MKLN1: variants seen among roughly 807,000 people sequenced by gnomAD.
The protein encoded by MKLN1 is muskelin.
In MKLN1, 18 loss-of-function variants were observed where a neutral mutation model predicts 99.0. The observed-to-expected ratio is 0.18, with a 90% CI of 0.13 to 0.27. The LOEUF (loss-of-function observed/expected upper bound fraction) is 0.27, where lower values mean the gene tolerates loss of function less well. Among genes scored for constraint, MKLN1 ranks in the 10% least tolerant of loss-of-function variants. The pLI, the probability that MKLN1 is intolerant of heterozygous loss-of-function variation, is 1.00. For synonymous variants in MKLN1, 288 were observed against 293.2 expected, an observed-to-expected ratio of 0.98 and a Z score of 0.18; for missense variants, 621 against 875.9, an observed-to-expected ratio of 0.71 and a Z score of 3.67.
chr7:131,266,173 CAAA>C (rs35332093), intron 3 of MKLN1, among the ~76,000 whole-genome samples: 207 of 86,552 alleles, frequency 2.4e-3, no homozygotes, highest in African/African-American at 3.5e-3. Context: ...GACTGCATCT[CAAA>C]AAAAAAAAAA....
At chr7:131,216,054 C>T (rs1056855182) in intron 3 of MKLN1, among the ~76,000 whole-genome samples, 2 of 152,120 alleles carry the variant, frequency 1.3e-5, no homozygotes, top group Non-Finnish European at 2.9e-5. Context: ...GGAACCGAAC[C>T]GGCCCATGTT....
chr7:131,274,643 C>CAAAAA (rs10708074), intron 3 of MKLN1, among the ~76,000 whole-genome samples: 2 of 91,672 alleles, frequency 2.2e-5, no homozygotes, highest in Non-Finnish European at 4.5e-5. Flanking sequence ...GACCCTGTCT[C>CAAAAA]AAAAAAAAAA....
chr7:131,310,390 G>T (rs1246364344), intron 3 of MKLN1: 1 of 152,182 alleles, frequency 6.6e-6, no homozygotes, highest in African/African-American at 2.4e-5. Context: ...CAAAATCTGA[G>T]TGTCAAGGTA....
chr7:131,269,904 C>A (rs1797859707), intron 3 of MKLN1, among the ~76,000 whole-genome samples: 1 of 151,934 alleles, frequency 6.6e-6, no homozygotes, highest in South Asian at 2.1e-4. Context: ...CTTTTCTTTT[C>A]TTTTTCTTTT....
At chr7:131,405,675 A>G (rs1366086872) in intron 6 of MKLN1, among the ~76,000 whole-genome samples, 1 of 152,138 alleles carries the variant, frequency 6.6e-6, no homozygotes. Flanking sequence ...TTATGAAATG[A>G]AATGGCTCTT....
intron 3 of MKLN1, among the ~76,000 whole-genome samples, chr7:131,248,015 C>T (rs1432225329): frequency 6.6e-6 from 1 of 152,082 alleles, no homozygotes; most frequent in Non-Finnish European, 1.5e-5. Flanking sequence ...CCTCCTACCT[C>T]AGCCTCCCAA....
At chr7:131,244,167 T>A (rs1797450626) in intron 3 of MKLN1, among the ~76,000 whole-genome samples, 1 of 152,186 alleles carries the variant, frequency 6.6e-6, no homozygotes, top group South Asian at 2.1e-4. Context: ...TGATGACCAT[T>A]AATGCCTATT....
chr7:131,417,846 C>T (rs1329904371), intron 8 of MKLN1, among the ~76,000 whole-genome samples: 1 of 152,030 alleles, frequency 6.6e-6, no homozygotes, highest in Non-Finnish European at 1.5e-5. Context: ...TCTGGTGGTA[C>T]AATTACCAGT....
At chr7:131,411,429 A>C (rs916137658) in intron 7 of MKLN1, 46 bp downstream of exon 7, 10 of 1,278,040 alleles carry the variant, frequency 7.8e-6, no homozygotes, top group Non-Finnish European at 1.1e-5. Context: ...TTAATGTCTC[A>C]GTCTTCAGTT....
At chr7:131,148,631 GGC>G (rs1308343991) in intron 2 of MKLN1, among the ~76,000 whole-genome samples, 1 of 152,062 alleles carries the variant, frequency 6.6e-6, no homozygotes, top group African/African-American at 2.4e-5. Flanking sequence ...GAATTAGCCA[GGC>G]GTGGTGGTGC....
At chr7:131,475,648 C>A (rs528791014) in intron 16 of MKLN1, among the ~76,000 whole-genome samples, 1 of 152,058 alleles carries the variant, frequency 6.6e-6, no homozygotes, top group Non-Finnish European at 1.5e-5. Context: ...CCTGTCTCTA[C>A]AAAAACATGC....
chr7:131,332,712 A>C (rs1404235432), intron 1 of MKLN1, among the ~76,000 whole-genome samples: 1 of 151,512 alleles, frequency 6.6e-6, no homozygotes, highest in Non-Finnish European at 1.5e-5. Context: ...TTCCTCCTTA[A>C]CATATAGTAA....
At chr7:131,226,203 T>C (rs1225442644) in intron 3 of MKLN1, among the ~76,000 whole-genome samples, 17 of 152,246 alleles carry the variant, frequency 1.1e-4, no homozygotes, top group Admixed American at 1.1e-3. Flanking sequence ...CCCTGTCTTG[T>C]GCAGGCTGCC....
chr7:131,275,567 A>ATATATATAT (rs1336398554), intron 3 of MKLN1, among the ~76,000 whole-genome samples: 1 of 5,620 alleles, frequency 1.8e-4, no homozygotes, highest in African/African-American at 4.0e-4. Flanking sequence ...ATATATATAT[A>ATATATATAT]TTTTTTTTTT....
chr7:131,444,433 A>G (rs78752634), intron 11 of MKLN1, among the ~76,000 whole-genome samples: 2 of 151,788 alleles, frequency 1.3e-5, no homozygotes, highest in South Asian at 2.1e-4. Context: ...TTGATGCTCA[A>G]ATTTTTCTCT....
At chr7:131,402,939 G>T (rs781566598) in intron 6 of MKLN1, among the ~76,000 whole-genome samples, 2 of 152,092 alleles carry the variant, frequency 1.3e-5, no homozygotes, top group Non-Finnish European at 2.9e-5. Flanking sequence ...TTTCAGAATA[G>T]TAAATGAGCA....
At chr7:131,155,843 G>A (rs1193939178) in intron 2 of MKLN1, among the ~76,000 whole-genome samples, 1 of 152,144 alleles carries the variant, frequency 6.6e-6, no homozygotes, top group African/African-American at 2.4e-5. Context: ...TCCTTTCCAC[G>A]TCGCTTCTCA....
At chr7:131,128,381 C>A (rs977308964) in intron 1 of MKLN1, among the ~76,000 whole-genome samples, 1 of 151,972 alleles carries the variant, frequency 6.6e-6, no homozygotes, top group African/African-American at 2.4e-5. Context: ...GTGGTAAAGG[C>A]CTTCATGAGC....
In MKLN1 at chr7:131,176,340, A is replaced by G. The variant is rs879865210; in HGVS notation, c.-296-26517A>G. On this transcript the variant is annotated intron_variant, in intron 2 of 7. Coordinates refer to the MKLN1 transcript ENST00000416992. ...GATTTTGTGATACTAAAAATATTTT[A>G]TTTTGTGGGTTTTTAAAAAGATTTA... 1.5e-4 allele frequency among the ~76,000 whole-genome samples: 23 copies of G among 152,044 alleles called. 1 individual carries two copies. The highest frequency in any genetic ancestry group is 1.6e-4 in the Non-Finnish European group (11 of 67,978).
Sources: allele counts gnomAD v4.1 joint callset (sites outside exome capture counted in the v4.1 genomes callset), GRCh38; gene constraint gnomAD v4.1.1; transcripts MANE v1.5; gene names NCBI Gene and HGNC (gene_info 2026-07-23, HGNC 2026-07-21).